STOX2: variants seen among roughly 807,000 people sequenced by gnomAD.
STOX2 encodes storkhead box 2, also known as storkhead-box protein 2.
In STOX2, 28 loss-of-function variants were observed where a neutral mutation model predicts 60.9. That is an observed-to-expected ratio of 0.46 (90% confidence interval 0.34 to 0.63). The LOEUF is 0.63. STOX2 is among the 30% of genes least tolerant of loss of function. STOX2 has a pLI of 0.01. For missense variants in STOX2, 1,024 were observed against 1,187.7 expected (o/e 0.86, Z 2.03); for synonymous variants, 472 against 463.9 (o/e 1.02, Z -0.22).
At chr4:183,958,675 G>A (rs919294209) in intron 1 of STOX2, among the ~76,000 whole-genome samples, 13 of 152,212 alleles carry the variant, frequency 8.5e-5, no homozygotes, top group African/African-American at 2.9e-4. Context: ...TAGATCTTCC[G>A]TCTGTTGGTT....
At chr4:183,830,217 C>T (rs1273946698) in intron 1 of STOX2, among the ~76,000 whole-genome samples, 2 of 152,186 alleles carry the variant, frequency 1.3e-5, no homozygotes, top group African/African-American at 2.4e-5. Flanking sequence ...TGCTTTTCTG[C>T]TAACCTGCTT....
intron 1 of STOX2, among the ~76,000 whole-genome samples, chr4:183,984,862 G>A (rs1330451931): frequency 6.6e-6 from 1 of 152,304 alleles, no homozygotes; most frequent in South Asian, 2.1e-4. Context: ...ACGGGGCCAG[G>A]AGGAGGACTG....
chr4:183,909,977 G>A (rs950245093), intron 1 of STOX2, among the ~76,000 whole-genome samples: 4 of 152,286 alleles, frequency 2.6e-5, no homozygotes, highest in Middle Eastern at 3.4e-3. Context: ...TTTAAGTCTC[G>A]AAGACTATGC....
chr4:184,015,637 G>A (rs3811775), intron 3 of STOX2: 78,367 of 152,076 alleles, frequency 0.52, 23,346 homozygotes, highest in Non-Finnish European at 0.69. Context: ...GGAAAGGGCT[G>A]TCAGAGTACA....
In STOX2 at chr4:183,884,920, C is replaced by G. The variant is rs142714583; in HGVS notation, c.364+86865C>G. Reference sequence around the variant, plus strand: ...AAGTAAACCTTGGTGAATGAGCCAACTGGGAGAAAAGAAGAAAACAAACCA... The same window carrying G: ...AAGTAAACCTTGGTGAATGAGCCAAGTGGGAGAAAAGAAGAAAACAAACCA... On this transcript the variant is annotated intron_variant, in intron 1 of 2. Coordinates refer to the STOX2 transcript ENST00000513034. Among the ~76,000 whole-genome samples, 940 of 152,280 alleles carry G rather than the reference C, an allele frequency of 6.2e-3. 7 individuals carry two copies. Among genetic ancestry groups the G allele is most frequent in the Middle Eastern group, 0.024 (7 of 294 alleles).
rs566554494 is a variant in STOX2, at chr4:183,865,048, A to G, written c.364+66993A>G. Among the ~76,000 whole-genome samples the G allele has an allele frequency of 2.6e-4, 39 of 152,206 alleles. No individual in the cohort carries two copies. The highest frequency in any genetic ancestry group is 9.2e-4 in the African/African-American group (38 of 41,522). On this transcript the variant is annotated intron_variant, in intron 1 of 2. Transcript: ENST00000513034. The surrounding 1 kb of genome is among the most constrained non-coding windows in gnomAD (Gnocchi z 4.1). Reference sequence around the variant, plus strand: ...CCCTGGGAACACCTTCCTGACCATCACAATCCACAAAGAATCTCTCTTAGA... The same window carrying G: ...CCCTGGGAACACCTTCCTGACCATCGCAATCCACAAAGAATCTCTCTTAGA...
chr4:183,817,359 T>C (rs1011803817), intron 1 of STOX2, among the ~76,000 whole-genome samples: 137 of 152,330 alleles, frequency 9.0e-4, no homozygotes, highest in African/African-American at 3.2e-3. Flanking sequence ...ACCCTTTGCA[T>C]GCTGGCTGCA....
chr4:183,995,013 C>T (rs1167529202), intron 1 of STOX2, among the ~76,000 whole-genome samples: 1 of 152,000 alleles, frequency 6.6e-6, no homozygotes, highest in African/African-American at 2.4e-5. Context: ...ATGCAGTTTG[C>T]CTGGGGAAAT....
At chr4:183,891,451 T>C (rs1008871425) in intron 1 of STOX2, among the ~76,000 whole-genome samples, 1 of 147,116 alleles carries the variant, frequency 6.8e-6, no homozygotes, top group Non-Finnish European at 1.5e-5. Flanking sequence ...ATTAATGGCA[T>C]TTGCAGCAAC....
intron 1 of STOX2, among the ~76,000 whole-genome samples, chr4:183,826,536 A>G (rs1332412624): frequency 1.3e-5 from 2 of 152,106 alleles, no homozygotes; most frequent in East Asian, 3.9e-4. Context: ...TATTCTCTAC[A>G]CCACTTCACT....
chr4:183,990,974 A>T (rs1200339749), intron 1 of STOX2, among the ~76,000 whole-genome samples: 1 of 152,138 alleles, frequency 6.6e-6, no homozygotes, highest in Non-Finnish European at 1.5e-5. Flanking sequence ...AATAATTCGG[A>T]TCATATCAGA....
chr4:183,913,762 CTT>C (rs1741853973), intron 1 of STOX2, among the ~76,000 whole-genome samples: 1 of 151,900 alleles, frequency 6.6e-6, no homozygotes, highest in Admixed American at 6.6e-5. Flanking sequence ...CAGAGCCAGA[CTT>C]TGTCTGGAGT....
intron 1 of STOX2, among the ~76,000 whole-genome samples, chr4:183,800,979 A>G (rs537391637): frequency 3.0e-4 from 46 of 152,304 alleles, no homozygotes; most frequent in African/African-American, 1.1e-3. Context: ...GCAAACCTAC[A>G]CTTTCACAGC....
intron 3 of STOX2, chr4:184,015,669 C>T (rs752092313): frequency 1.3e-5 from 2 of 152,076 alleles, no homozygotes; most frequent in African/African-American, 4.8e-5. Flanking sequence ...TGCTATCAGC[C>T]GAGGATGGGA....
intron 1 of STOX2, among the ~76,000 whole-genome samples, chr4:183,849,449 C>T (rs942061142): frequency 6.6e-6 from 1 of 152,172 alleles, no homozygotes; most frequent in Admixed American, 6.5e-5. Flanking sequence ...AAGGATGTAG[C>T]TTCGTAGGAG....
At chr4:184,016,640 C>T (rs1579560667) in intron 3 of STOX2, among the ~76,000 whole-genome samples, 1 of 152,226 alleles carries the variant, frequency 6.6e-6, no homozygotes, top group Non-Finnish European at 1.5e-5. Context: ...ATCTGCTAAT[C>T]CAGAATGAAA....
intron 1 of STOX2, among the ~76,000 whole-genome samples, chr4:183,864,688 C>G (rs1740525409): frequency 6.6e-6 from 1 of 152,152 alleles, no homozygotes; most frequent in African/African-American, 2.4e-5. Context: ...GCCACTGCGC[C>G]CGGCCAAATG....
chr4:183,903,775 C>T (rs900369833), upstream of STOX2, among the ~76,000 whole-genome samples: 7 of 152,196 alleles, frequency 4.6e-5, no homozygotes, highest in African/African-American at 1.7e-4. Context: ...TGGTCCTTTA[C>T]ACCAGCGGCC....
At chr4:183,798,111 C>T in intron 1 of STOX2, 1 of 1,218,102 alleles carries the variant, frequency 8.2e-7, no homozygotes, top group Non-Finnish European at 1.0e-6. Context: ...CGCGTCCGTG[C>T]CGTGCGGTCG....
Sources: gnomAD v4.1 joint callset for allele counts (sites outside exome capture counted in the v4.1 genomes callset) on GRCh38, gnomAD v4.1.1 for gene constraint, Gnocchi (gnomAD v3.1) non-coding constraint, MANE v1.5 for transcripts, NCBI Gene and HGNC (gene_info 2026-07-23, HGNC 2026-07-21) for gene names.